The following ZNF280D variants were observed in gnomAD, a reference collection of about 807,000 sequenced individuals.
ZNF280D encodes zinc finger protein 280D, also known as suppressor of hairy wing homolog 4.
ZNF280D carries 39 observed loss-of-function variants against 94.7 expected under a neutral mutation model. That is an observed-to-expected ratio of 0.41 (90% CI 0.32 to 0.54). ZNF280D has a LOEUF of 0.54. Among genes scored for constraint, ZNF280D ranks in the 20% least tolerant of loss-of-function variants. ZNF280D has a pLI of 0.22. For synonymous variants in ZNF280D, 398 were observed against 377.6 expected (o/e 1.05, Z -0.63); for missense variants, 1,090 against 1,149.3 (o/e 0.95, Z 0.75).
At chr15:56,691,191 C>T (rs540094733) in intron 7 of ZNF280D, among the ~76,000 whole-genome samples, 1 of 152,022 alleles carries the variant, frequency 6.6e-6, no homozygotes, top group Admixed American at 6.6e-5. Flanking sequence ...AATAGATTAA[C>T]CTGTCAGCTT....
chr15:56,667,866 T>C (rs1566956318), intron 14 of ZNF280D: 1 of 179,872 alleles, frequency 5.6e-6, no homozygotes, highest in Non-Finnish European at 1.2e-5. Context: ...TGGTATGAAT[T>C]AGACAACAGA....
At chr15:56,705,297 T>C (rs1005798961) in intron 3 of ZNF280D, among the ~76,000 whole-genome samples, 1 of 152,206 alleles carries the variant, frequency 6.6e-6, no homozygotes, top group African/African-American at 2.4e-5. Context: ...TTAGCATTTG[T>C]GTTTTTTAAA....
chr15:56,666,898 G>A lies in ZNF280D; in HGVS notation c.1634C>T (p.Ser545Leu). ...ISASASTLQL[S>L]PPRTKNITAK... is the part of the protein sequence containing the mutation. ...AGTTATATTTTTAGTCCTTGGAGGT[G>A]AGAGCTGAAGGGTAGAAGCACTTGC... The change falls in exon 15 of 22, where the codon TCA becomes TTA. Residue 545 changes from serine (S) to leucine (L), a missense_variant. By Grantham distance (145) the Ser-to-Leu change is moderately radical. This residue lies in a region of ZNF280D where 577 missense variants were observed against 568.8 expected (regional missense o/e 1.01). Transcript: ENST00000267807. 6.2e-7 allele frequency: 1 copy of A among 1,613,760 alleles called. No homozygotes were observed. Among genetic ancestry groups the A allele is most frequent in the South Asian group, 1.1e-5 (1 of 91,078 alleles).
intron 7 of ZNF280D, among the ~76,000 whole-genome samples, chr15:56,691,243 C>G (rs1018974923): frequency 8.5e-5 from 13 of 152,076 alleles, no homozygotes; most frequent in Middle Eastern, 3.2e-3. Context: ...GAGTATTATA[C>G]TACTTGGCTT....
rs766222503 is a variant in ZNF280D, at chr15:56,681,268, T to G, written c.1004+986A>C. On this transcript the variant is annotated intron_variant, in intron 10 of 21. Coordinates refer to ENST00000267807, the MANE Select transcript of ZNF280D (RefSeq NM_017661.4). ...GAACTCAGAAGTAACTACAGCTGCT[T>G]TGAAATGCTAATTACAGATGACAGT... 7.2e-5 allele frequency among the ~76,000 whole-genome samples: 11 copies of G among 152,252 alleles called. No individual in the cohort carries two copies. The East Asian group carries it at 2.1e-3, about 29-fold the overall frequency.
At position 56,677,687 on chromosome 15, in the gene ZNF280D, G is replaced by A; in HGVS notation, c.1163-13C>T. On this transcript the variant is annotated splice_polypyrimidine_tract_variant and intron_variant, in intron 11 of 21. Transcript: ENST00000267807. Reference sequence around the variant, plus strand: ...ATTTTACAAATAGCTAAATGTGGGAGAGAAACAGTATAATAATATTTAAGA... The same window carrying A: ...ATTTTACAAATAGCTAAATGTGGGAAAGAAACAGTATAATAATATTTAAGA... 1 of 1,307,250 alleles carries A rather than the reference G, an allele frequency of 7.6e-7. No homozygotes were observed. Among genetic ancestry groups the A allele is most frequent in the Non-Finnish European group, 1.1e-6 (1 of 927,210 alleles). The allele number at this position is 1,307,250 out of a possible 1,614,324, so 81.0% of individuals were successfully genotyped here.
chr15:56,639,949 T>C (rs147229995), intron 20 of ZNF280D, among the ~76,000 whole-genome samples: 1 of 151,950 alleles, frequency 6.6e-6, no homozygotes, highest in East Asian at 1.9e-4. Flanking sequence ...TTCAGACCCC[T>C]TCACTCCCCA....
In ZNF280D at chr15:56,669,888, T is replaced by TATATATAA. The variant is rs371784062; in HGVS notation, c.1411-932_1411-931insTTATATAT. On this transcript the variant is annotated intron_variant, in intron 13 of 21. Transcript: ENST00000267807. ...TATATATATTTTATATATATATATA[T>TATATATAA]TATATATATATATAATATATATATA... 1.0e-3 allele frequency among the ~76,000 whole-genome samples: 5 copies of TATATATAA among 4,768 alleles called. 1 individual carries two copies. Among genetic ancestry groups the TATATATAA allele is most frequent in the African/African-American group, 1.9e-3 (4 of 2,072 alleles). The allele number at this position is 4,768 out of a possible 152,430, so 3.1% of individuals were successfully genotyped here. A position where few individuals can be genotyped will look rare whatever the true frequency, so the allele number is the denominator to read the frequency against.
At chr15:56,632,479 A>T (rs2052127363) in intron 21 of ZNF280D, among the ~76,000 whole-genome samples, 1 of 149,448 alleles carries the variant, frequency 6.7e-6, no homozygotes, top group Admixed American at 6.8e-5. Flanking sequence ...TTGGAAAAAA[A>T]TCTATATTTT....
At position 56,645,826 on chromosome 15, in the gene ZNF280D, T is replaced by C. The variant is rs374370836; in HGVS notation, c.2214-2829A>G. Among the ~76,000 whole-genome samples the C allele has an allele frequency of 3.2e-4, 48 of 152,184 alleles. No individual in the cohort carries two copies. The South Asian group carries it at 8.1e-3, about 26-fold the overall frequency. On this transcript the variant is annotated intron_variant, in intron 19 of 21. Transcript: ENST00000267807. ...CCTTCCAAAGTGCTGGGATTACAGGTATGAGCCACCGTGCCCAGCCAATCC... is the reference window on the plus strand; with the variant it reads ...CCTTCCAAAGTGCTGGGATTACAGGCATGAGCCACCGTGCCCAGCCAATCC...
At chr15:56,712,617 G>GAAAA (rs1596624604) in intron 1 of ZNF280D, among the ~76,000 whole-genome samples, 1 of 135,010 alleles carries the variant, frequency 7.4e-6, no homozygotes. Context: ...AAAAAAAAAG[G>GAAAA]AAAGAAAGAA....
chr15:56,726,002 A>C (rs1359110197), intron 1 of ZNF280D, among the ~76,000 whole-genome samples: 2 of 152,172 alleles, frequency 1.3e-5, no homozygotes, highest in Non-Finnish European at 1.5e-5. Context: ...AATCCATTTA[A>C]GCAAAAAGCC....
At chr15:56,682,513 A>ACTTAT in intron 9 of ZNF280D, 36 bp from the exon 10 acceptor site, 1 of 1,337,996 alleles carries the variant, frequency 7.5e-7, no homozygotes, top group Non-Finnish European at 1.0e-6. Context: ...AACAAGCCTT[A>ACTTAT]CTTATTCTTT....
At position 56,666,395 on chromosome 15, in the gene ZNF280D, CTCA is replaced by C; in HGVS notation, c.1991_1993del (p.Met664del). 4 of 1,606,832 alleles carry C rather than the reference CTCA, an allele frequency of 2.5e-6. No homozygotes were observed. The highest frequency in any genetic ancestry group is 3.4e-6 in the Non-Finnish European group (4 of 1,177,484). On this transcript the variant is annotated inframe_deletion and splice_region_variant, in exon 16 of 22. Transcript: ENST00000267807. ...AATTTACACATTTAATTCATCTTAC[CTCA>C]TCATATGATTTACATAGGCTTTGCT...
At chr15:56,673,563 T>G (rs1277714335) in intron 13 of ZNF280D, among the ~76,000 whole-genome samples, 1 of 152,054 alleles carries the variant, frequency 6.6e-6, no homozygotes, top group East Asian at 1.9e-4. Flanking sequence ...GGACTTTTCT[T>G]TCCATAGCTG....
At chr15:56,673,542 T>G in intron 13 of ZNF280D, among the ~76,000 whole-genome samples, 1 of 152,026 alleles carries the variant, frequency 6.6e-6, no homozygotes. Flanking sequence ...CTAATATCCT[T>G]TCTTCTCTAT....
At chr15:56,660,399 G>GACCATT (rs752044672) in intron 16 of ZNF280D, among the ~76,000 whole-genome samples, 1 of 151,796 alleles carries the variant, frequency 6.6e-6, no homozygotes, top group Non-Finnish European at 1.5e-5. Flanking sequence ...TCATAATGTT[G>GACCATT]ACCATTTTAA....
rs1596361279 is a variant in ZNF280D at position 56,653,877 on chromosome 15, G to T, written c.2213+321C>A. 3 of 1,239,140 alleles carry T rather than the reference G, an allele frequency of 2.4e-6. No homozygotes were observed. In the East Asian group the frequency reaches 1.1e-4, roughly 44 times the overall value. 76.8% of individuals were successfully genotyped at this position (1,239,140 alleles called of 1,614,324 possible). A position where few individuals can be genotyped will look rare whatever the true frequency, so the allele number is the denominator to read the frequency against. ...TTAAGATATGTCAACCTGACACAAA[G>T]ATAAGGTGGAATAAGAATCTAGTCC... On this transcript the variant is annotated intron_variant, in intron 19 of 21. Coordinates refer to ENST00000267807, the MANE Select transcript of ZNF280D (RefSeq NM_017661.4).
chr15:56,645,836 C>A (rs1229917327), intron 19 of ZNF280D, among the ~76,000 whole-genome samples: 2 of 152,084 alleles, frequency 1.3e-5, no homozygotes, highest in Non-Finnish European at 2.9e-5. Context: ...TATGAGCCAC[C>A]GTGCCCAGCC....
Sources: gnomAD v4.1 joint callset for allele counts (sites outside exome capture counted in the v4.1 genomes callset) on GRCh38, gnomAD v4.1.1 for gene constraint, gnomAD v4.1.1 regional missense constraint, MANE v1.5 for transcripts, NCBI Gene and HGNC (gene_info 2026-07-23, HGNC 2026-07-21) for gene names.